Variants in AMBP observed in about 807,000 individuals in gnomAD.
AMBP encodes the protein protein AMBP.
A neutral mutation model predicts 46.3 loss-of-function variants in AMBP; 37 were observed. The ratio of observed to expected loss-of-function variants is 0.80; its 90% CI spans 0.61 to 1.05. The LOEUF is 1.05. AMBP is among the 50% of genes least tolerant of loss of function. The pLI, the probability that AMBP is intolerant of heterozygous loss-of-function variation, is 0.00. For synonymous variants in AMBP, 174 were observed against 175.9 expected, an observed-to-expected ratio of 0.99 and a Z score of 0.09; for missense variants, 475 against 461.2, an observed-to-expected ratio of 1.03 and a Z score of -0.27.
chr9:114,075,085 G>A, intron 2 of AMBP, 49 bp from the exon 3 acceptor site: 1 of 1,506,818 alleles, frequency 6.6e-7, no homozygotes, highest in South Asian at 1.1e-5. Flanking sequence ...AGAGATCATG[G>A]TCCTGACACT....
At chr9:114,061,127 G>T in intron 8 of AMBP, 29 bp from the exon 9 acceptor site, 1 of 1,610,294 alleles carries the variant, frequency 6.2e-7, no homozygotes, top group East Asian at 2.2e-5. Context: ...CATGGAACTT[G>T]AGAAACCCTT....
chr9:114,074,182 G>A lies in AMBP; in HGVS notation c.338-30C>T, dbSNP rs551489489. 2.9e-5 allele frequency: 45 copies of A among 1,577,962 alleles called. 1 individual carries two copies. In the African/African-American group the frequency reaches 4.6e-4, roughly 16 times the overall value. On this transcript the variant is annotated intron_variant, in intron 3 of 9. Transcript: ENST00000265132. ...ATGGGAGGTGCAGGCAGACCAAAGG[G>A]ATCAGTGGTCAGTAGACTCTTCTAG...
At chr9:114,063,628 A>G (rs920033795) in intron 6 of AMBP, among the ~76,000 whole-genome samples, 2 of 152,208 alleles carry the variant, frequency 1.3e-5, no homozygotes, top group Non-Finnish European at 2.9e-5. Flanking sequence ...ATCTTCTGGA[A>G]TTCAGGTTGA....
At chr9:114,068,821 A>C (rs567025226) in intron 6 of AMBP, among the ~76,000 whole-genome samples, 3 of 151,306 alleles carry the variant, frequency 2.0e-5, no homozygotes, top group Non-Finnish European at 2.9e-5. Context: ...AAAAAAAAAA[A>C]AAAAAAAAAA....
At chr9:114,064,137 A>G (rs1052853737) in intron 6 of AMBP, among the ~76,000 whole-genome samples, 3 of 152,212 alleles carry the variant, frequency 2.0e-5, no homozygotes, top group African/African-American at 7.2e-5. Context: ...CACTCATCCA[A>G]GCCACTGGCC....
intron 8 of AMBP, 52 bp downstream of exon 8, chr9:114,061,372 G>C: frequency 6.2e-6 from 10 of 1,609,480 alleles, no homozygotes; most frequent in Non-Finnish European, 8.5e-6. Flanking sequence ...GTTTACTGGA[G>C]GGACAGGGTC....
At chr9:114,073,246 TC>T (rs200617792) in intron 4 of AMBP, among the ~76,000 whole-genome samples, 2,514 of 148,580 alleles carry the variant, frequency 0.017, 77 homozygotes, top group African/African-American at 0.051. Flanking sequence ...AAAGGACTCT[TC>T]CCCTTTTTTT....
chr9:114,061,092 C>G lies in AMBP; in HGVS notation c.860G>C (p.Cys287Ser). 1 of 1,613,896 alleles carries G rather than the reference C, an allele frequency of 6.2e-7. No individual in the cohort carries two copies. Among genetic ancestry groups the G allele is most frequent in the East Asian group, 2.2e-5 (1 of 44,876 alleles). Residue 287 changes from cysteine to serine, a missense_variant, in exon 9 of 10, where the codon TGC (cysteine) becomes TCC (serine). Physicochemically the swap from Cys to Ser is moderately radical, Grantham distance 112. Transcript: ENST00000265132. ...CLQTCRTVAA[C>S]NLPIVRGPCR... ...GGGGCCCCGGACTATGGGGAGATTG[C>G]AGGCCGCTGTGGAGTGGAGAGAGGC... is the stretch of plus-strand genomic sequence containing the variant.
intron 1 of AMBP, among the ~76,000 whole-genome samples, 184 bp downstream of exon 1, chr9:114,077,909 A>T (rs960709919): frequency 6.6e-6 from 1 of 152,208 alleles, no homozygotes; most frequent in Non-Finnish European, 1.5e-5. Context: ...TGACTCATAG[A>T]ATGTCAGCCA....
rs754431264 is a variant in AMBP at position 114,061,042 on chromosome 9, C to T, written c.910G>A (p.Ala304Thr). The T allele has an allele frequency of 9.9e-6, 16 of 1,614,110 alleles. No homozygotes were observed. In the African/African-American group the frequency reaches 2.0e-4, roughly 20 times the overall value. Reference sequence around the variant, plus strand: ...CACTTCCCCTTGACAGCATCAAATGCCCAGAGCTGGATGAAGGCTCGGCAG... The same window carrying T: ...CACTTCCCCTTGACAGCATCAAATGTCCAGAGCTGGATGAAGGCTCGGCAG... ...GPCRAFIQLWAFDAVKGKCVL... is the reference protein window; with the variant it reads ...GPCRAFIQLWTFDAVKGKCVL... The change falls in exon 9 of 10, where the codon GCA (alanine) becomes ACA (threonine). Residue 304 changes from alanine (A) to threonine (T), a missense_variant. Physicochemically the swap from Ala to Thr is moderately conservative, Grantham distance 58. Coordinates refer to ENST00000265132, the MANE Select transcript of AMBP (RefSeq NM_001633.4).
At chr9:114,066,488 G>A (rs1454451896) in intron 6 of AMBP, among the ~76,000 whole-genome samples, 3 of 150,948 alleles carry the variant, frequency 2.0e-5, no homozygotes, top group Non-Finnish European at 2.9e-5. Flanking sequence ...CCTCAGCCCC[G>A]CAGAATGCTG....
Position 114,073,498 on chromosome 9 carries a change from T to TTG in AMBP, c.455-473_455-472insCA, listed in dbSNP as rs933472794. ...CCAGGATGGTCTCAATCCCTGTTTT[T>TTG]TTTTTTTTTTTTTTTTTGAGACAGG... is the stretch of plus-strand genomic sequence containing the variant. On this transcript the variant is annotated intron_variant, in intron 4 of 9. Coordinates refer to ENST00000265132, the MANE Select transcript of AMBP (RefSeq NM_001633.4). 2.7e-5 allele frequency among the ~76,000 whole-genome samples: 4 copies of TTG among 147,724 alleles called. No homozygotes were observed. In the East Asian group the frequency reaches 7.9e-4, roughly 29 times the overall value.
Position 114,069,694 on chromosome 9 carries a change from C to T in AMBP, c.603+5G>A. ...TGGGATGGGGTCGGGGGATGAGGCA[C>T]TCACCGGGATTAAGATGGGCTCTGG... is the stretch of plus-strand genomic sequence containing the variant. On this transcript the variant is annotated splice_donor_5th_base_variant and intron_variant, in intron 6 of 9. Transcript: ENST00000265132. The T allele has an allele frequency of 6.2e-7, 1 of 1,612,602 alleles. No homozygotes were observed. Among genetic ancestry groups the T allele is most frequent in the African/African-American group, 1.3e-5 (1 of 74,962 alleles).
At chr9:114,068,807 TTA>T (rs1491399950) in intron 6 of AMBP, among the ~76,000 whole-genome samples, 1 of 104,472 alleles carries the variant, frequency 9.6e-6, no homozygotes, top group African/African-American at 4.9e-5. Flanking sequence ...GGTGGTGAGA[TTA>T]AAAAAAAAAA....
intron 4 of AMBP, among the ~76,000 whole-genome samples, chr9:114,073,493 GTT>G (rs59522385): frequency 5.1e-3 from 548 of 107,246 alleles, no homozygotes; most frequent in Non-Finnish European, 6.8e-3. Context: ...CTCAATCCCT[GTT>G]TTTTTTTTTT....
chr9:114,073,451 TTAGCCAGGATGGTCTCAA>T (rs56183518), intron 4 of AMBP, among the ~76,000 whole-genome samples: 41,552 of 148,840 alleles, frequency 0.28, 6,092 homozygotes, highest in East Asian at 0.38. Context: ...TTTCACCATG[TTAGCCAGGATGGTCTCAA>T]TAGCCAGGAT....
At chr9:114,063,974 A>G (rs1846667230) in intron 6 of AMBP, among the ~76,000 whole-genome samples, 1 of 152,240 alleles carries the variant, frequency 6.6e-6, no homozygotes, top group Admixed American at 6.5e-5. Context: ...GGAATCAGGC[A>G]AAATTAGGGA....
intron 6 of AMBP, among the ~76,000 whole-genome samples, chr9:114,064,883 CAGA>C (rs756611298): frequency 2.6e-5 from 4 of 152,172 alleles, no homozygotes; most frequent in Non-Finnish European, 5.9e-5. Context: ...CTTCTAAATC[CAGA>C]AGGAGAAAAC....
chr9:114,078,057 C>T (rs759150225), intron 1 of AMBP, 36 bp downstream of exon 1: 12 of 1,609,896 alleles, frequency 7.5e-6, no homozygotes, highest in East Asian at 2.2e-5. Context: ...CTCCCCATCA[C>T]CACATCCACC....
Sources: allele counts gnomAD v4.1 joint callset (sites outside exome capture counted in the v4.1 genomes callset), GRCh38; gene constraint gnomAD v4.1.1; transcripts MANE v1.5; gene names NCBI Gene and HGNC (gene_info 2026-07-23, HGNC 2026-07-21).